TMC6: variants seen among roughly 807,000 people sequenced by gnomAD.
The protein encoded by TMC6 is transmembrane channel like 6.
A neutral mutation model predicts 95.4 loss-of-function variants in TMC6; 71 were observed. That is an observed-to-expected ratio of 0.74 (90% CI 0.61 to 0.91). TMC6 has a LOEUF of 0.91. Among genes scored for constraint, TMC6 ranks in the 40% least tolerant of loss-of-function variants. TMC6 has a pLI of 0.00. For synonymous variants in TMC6, 514 were observed against 483.1 expected (o/e 1.06, Z -0.84); for missense variants, 1,074 against 1,079.1 (o/e 1.00, Z 0.07).
At chr17:78,115,990 C>T (rs2074087613) in intron 18 of TMC6, among the ~76,000 whole-genome samples, 1 of 151,944 alleles carries the variant, frequency 6.6e-6, no homozygotes. Context: ...TGGGGTCCGA[C>T]CCCCTTCTGC....
chr17:78,125,268 G>C lies in TMC6; in HGVS notation c.431-5C>G, dbSNP rs757202985. On this transcript the variant is annotated splice_region_variant and splice_polypyrimidine_tract_variant and intron_variant, in intron 5 of 19. Transcript: ENST00000590602. ...TCACCAGGAGGCTCTGCTTCTCTGC[G>C]AGAGGGAGAGGGAGGTCCTGCCCAT... The C allele has an allele frequency of 4.5e-6, 7 of 1,558,374 alleles. No individual in the cohort carries two copies. The East Asian group carries it at 1.4e-4, about 32-fold the overall frequency.
intron 18 of TMC6, among the ~76,000 whole-genome samples, chr17:78,114,669 C>A (rs2073965339): frequency 1.3e-5 from 2 of 152,012 alleles, no homozygotes; most frequent in Admixed American, 6.5e-5. Context: ...CACCTGGCAA[C>A]CTGGCTCAGC....
At chr17:78,118,933 C>T in intron 15 of TMC6, 38 bp downstream of exon 15, 1 of 1,565,482 alleles carries the variant, frequency 6.4e-7, no homozygotes, top group Non-Finnish European at 8.7e-7. Flanking sequence ...GCCGGCCACC[C>T]TGCCAGCCCA....
chr17:78,129,123 C>G (rs543413534), upstream of TMC6, among the ~76,000 whole-genome samples: 1 of 151,288 alleles, frequency 6.6e-6, no homozygotes, highest in Non-Finnish European at 1.5e-5. This position sits in a 1 kb window ranked among gnomAD's most constrained non-coding sequence, Gnocchi z 4.3. Context: ...AGCGCCCCCC[C>G]CCCCGCCGCC....
In TMC6 at chr17:78,112,719, C is replaced by T. The variant is rs1013540567; in HGVS notation, c.*429G>A. ...TGCAGGTGTAAGCCCCTCCTGGGCG[C>T]GAGTTCAGGCTGGTCAAAGGCAGCA... On this transcript the variant is annotated 3_prime_UTR_variant, in exon 20 of 20. Transcript: ENST00000590602. 7 of 248,220 alleles carry T rather than the reference C, an allele frequency of 2.8e-5. No individual in the cohort carries two copies. Among genetic ancestry groups the T allele is most frequent in the South Asian group, 1.0e-4 (2 of 19,068 alleles). 15.4% of individuals were successfully genotyped at this position (248,220 alleles called of 1,614,324 possible). A position where few individuals can be genotyped will look rare whatever the true frequency, so the allele number is the denominator to read the frequency against.
At chr17:78,131,329 G>A, upstream of TMC6, 1 of 583,256 alleles carries the variant, frequency 1.7e-6, no homozygotes, top group Non-Finnish European at 3.1e-6. Flanking sequence ...AGTTGGAGCG[G>A]GGCTGGGCCC....
chr17:78,113,236 G>A (rs1199346478), intron 19 of TMC6, 25 bp from the exon 20 acceptor site: 1 of 1,548,610 alleles, frequency 6.5e-7, no homozygotes, highest in Admixed American at 2.0e-5. Context: ...CATCACTGAG[G>A]GGACCCCATA....
Position 78,110,124 on chromosome 17 carries a change from A to G in TMC6, c.*3024T>C, listed in dbSNP as rs2073796452. 6.5e-6 allele frequency: 1 copy of G among 152,884 alleles called. No homozygotes were observed. The highest frequency in any genetic ancestry group is 1.5e-5 in the Non-Finnish European group (1 of 68,754). 9.5% of individuals were successfully genotyped at this position (152,884 alleles called of 1,614,324 possible). On this transcript the variant is annotated 3_prime_UTR_variant, in exon 20 of 20. Coordinates refer to ENST00000590602, the MANE Select transcript of TMC6 (RefSeq NM_001127198.5). ...TTAAAGATAATTCAAATCCAAATCA[A>G]CTCAATCAGAATCTCTCGGGGTGGG...
chr17:78,122,240 A>G lies in TMC6; in HGVS notation c.1227+365T>C, dbSNP rs1209081459. ...CAGTCTCCTCTCTGAGGCACACAGAAGGTGACAGTCCTCACCCACTGGCCT... is the reference window on the plus strand; with the variant it reads ...CAGTCTCCTCTCTGAGGCACACAGAGGGTGACAGTCCTCACCCACTGGCCT... On this transcript the variant is annotated intron_variant, in intron 10 of 19. Transcript: ENST00000590602. This position sits in a 1 kb window ranked among gnomAD's most constrained non-coding sequence, Gnocchi z 4.9. Among the ~76,000 whole-genome samples the G allele has an allele frequency of 2.6e-5, 4 of 152,110 alleles. No homozygotes were observed. Among genetic ancestry groups the G allele is most frequent in the African/African-American group, 9.7e-5 (4 of 41,424 alleles).
chr17:78,124,350 G>C, intron 8 of TMC6, 171 bp from the exon 9 acceptor site: 1 of 1,332,330 alleles, frequency 7.5e-7, no homozygotes, highest in South Asian at 1.3e-5. Context: ...GGGAACCCCA[G>C]CACGATGAGC....
chr17:78,113,111 G>C lies in TMC6; in HGVS notation c.*37C>G, dbSNP rs2073872590. 2.6e-6 allele frequency: 4 copies of C among 1,549,518 alleles called. No homozygotes were observed. In the Admixed American group the frequency reaches 7.9e-5, roughly 30 times the overall value. On this transcript the variant is annotated 3_prime_UTR_variant, in exon 20 of 20. Transcript: ENST00000590602. ...CTGGGAGGCAACAGTGTGGTCTCAG[G>C]GTGCTGGGCGGGCCCGTGAGGCCCA... is the stretch of plus-strand genomic sequence containing the variant.
intron 1 of TMC6, 57 bp from the exon 2 acceptor site, chr17:78,126,963 C>T: frequency 9.4e-7 from 1 of 1,067,122 alleles, no homozygotes. Context: ...CAGCTGTCCA[C>T]ACCACCCATT....
At position 78,112,813 on chromosome 17, in the gene TMC6, T is replaced by C. The variant is rs1228885052; in HGVS notation, c.*335A>G. 2.4e-6 allele frequency: 1 copy of C among 408,594 alleles called. No homozygotes were observed. Among genetic ancestry groups the C allele is most frequent in the Non-Finnish European group, 4.4e-6 (1 of 225,392 alleles). 25.3% of individuals were successfully genotyped at this position (408,594 alleles called of 1,614,324 possible). On this transcript the variant is annotated 3_prime_UTR_variant, in exon 20 of 20. Coordinates refer to ENST00000590602, the MANE Select transcript of TMC6 (RefSeq NM_001127198.5). The stretch of plus-strand genomic sequence containing the variant: ...CTTGGCCAGCAGAGGGCGCCCCCAC[T>C]CCAGCTGAGGTTCCCAGGACCCAGA...
At position 78,107,521 on chromosome 17, in the gene TMC6, T is replaced by C. The variant is rs1021234869; in HGVS notation, c.*5627A>G. The stretch of plus-strand genomic sequence containing the variant: ...TGGATGTCTACTTTGCACGCTGCGA[T>C]TGGGAGAGCTGTCCCGCTGCATGCG... On this transcript the variant is annotated 3_prime_UTR_variant, in exon 20 of 20. Transcript: ENST00000590602. The C allele has an allele frequency of 6.6e-6, 1 of 152,272 alleles. No homozygotes were observed. Among genetic ancestry groups the C allele is most frequent in the African/African-American group, 2.4e-5 (1 of 41,472 alleles). 9.4% of individuals were successfully genotyped at this position (152,272 alleles called of 1,614,324 possible).
chr17:78,116,834 T>G (rs561980928), intron 18 of TMC6, among the ~76,000 whole-genome samples: 1 of 152,160 alleles, frequency 6.6e-6, no homozygotes, highest in Non-Finnish European at 1.5e-5. Context: ...CAGCTGAGAC[T>G]GTGCCACTGC....
Position 78,120,710 on chromosome 17 carries a change from A to G in TMC6, c.1658T>C (p.Leu553Pro). The change falls in exon 13 of 20, where the codon CTG becomes CCG. Residue 553 changes from leucine (L) to proline (P), a missense_variant. Physicochemically the swap from Leu to Pro is moderately conservative, Grantham distance 98. Transcript: ENST00000590602. ...CAACATGAGGACGAAGTCCATCACCAGGAACCGGTACAGCTCCTGGCCCAC... is the reference window on the plus strand; with the variant it reads ...CAACATGAGGACGAAGTCCATCACCGGGAACCGGTACAGCTCCTGGCCCAC... Reference protein sequence around the residue: ...DFVGQELYRFLVMDFVLMLLD... With the variant: ...DFVGQELYRFPVMDFVLMLLD... 1 of 1,614,012 alleles carries G rather than the reference A, an allele frequency of 6.2e-7. No homozygotes were observed.
At position 78,120,563 on chromosome 17, in the gene TMC6, G is replaced by C. The variant is rs535451483; in HGVS notation, c.1715+90C>G. Reference sequence around the variant, plus strand: ...GGGTGGAGACACAGGGCCCTGATGGGAAAGGTCCAGGCCTGAGAACCTCCC... The same window carrying C: ...GGGTGGAGACACAGGGCCCTGATGGCAAAGGTCCAGGCCTGAGAACCTCCC... On this transcript the variant is annotated intron_variant, in intron 13 of 19. Transcript: ENST00000590602. 8.2e-6 allele frequency: 13 copies of C among 1,586,122 alleles called. No individual in the cohort carries two copies. The African/African-American group carries it at 1.7e-4, about 21-fold the overall frequency.
rs755438439 is a variant in TMC6 at position 78,121,028 on chromosome 17, T to C, written c.1520A>G (p.Tyr507Cys). The C allele has an allele frequency of 2.5e-6, 4 of 1,613,222 alleles. No individual in the cohort carries two copies. The East Asian group carries it at 6.7e-5, about 27-fold the overall frequency. ...GGCCACACACCTGCAGATGGCCACGTACACCTCCAGTACCGGGGAGTCATG... is the reference window on the plus strand; with the variant it reads ...GGCCACACACCTGCAGATGGCCACGCACACCTCCAGTACCGGGGAGTCATG... ...EPHDSPVLEV[Y>C]VAICRNLILK... The change falls in exon 12 of 20, where the codon TAC (tyrosine) becomes TGC (cysteine). Residue 507 changes from tyrosine to cysteine, a missense_variant. Coordinates refer to ENST00000590602, the MANE Select transcript of TMC6 (RefSeq NM_001127198.5). This position sits in a 1 kb window ranked among gnomAD's most constrained non-coding sequence, Gnocchi z 5.6.
intron 15 of TMC6, 196 bp from the exon 16 acceptor site, chr17:78,118,131 C>A (rs994806935): frequency 3.4e-6 from 3 of 885,604 alleles, no homozygotes; most frequent in Non-Finnish European, 5.1e-6. Flanking sequence ...GTGATGCCAA[C>A]AGCACCTCCA....
Sources: gnomAD v4.1 joint callset for allele counts (sites outside exome capture counted in the v4.1 genomes callset) on GRCh38, gnomAD v4.1.1 for gene constraint, Gnocchi (gnomAD v3.1) non-coding constraint, MANE v1.5 for transcripts, NCBI Gene and HGNC (gene_info 2026-07-23, HGNC 2026-07-21) for gene names.